Variants in GRIK1 observed in about 807,000 individuals in gnomAD.
GRIK1 encodes the protein glutamate receptor ionotropic, kainate 1.
In GRIK1, 69 loss-of-function variants were observed where a neutral mutation model predicts 105.7. The ratio of observed to expected loss-of-function variants is 0.65; its 90% confidence interval spans 0.54 to 0.80. The LOEUF (loss-of-function observed/expected upper bound fraction) is 0.80. Among genes scored for constraint, GRIK1 ranks in the 30% least tolerant of loss-of-function variants. GRIK1 has a pLI of 0.00. For missense variants in GRIK1, 1,109 were observed against 1,167.3 expected, an observed-to-expected ratio of 0.95 and a Z score of 0.73; for synonymous variants, 438 against 431.3, an observed-to-expected ratio of 1.02 and a Z score of -0.19.
At chr21:29,834,858 T>C (rs2067742650) in intron 1 of GRIK1, among the ~76,000 whole-genome samples, 1 of 150,762 alleles carries the variant, frequency 6.6e-6, no homozygotes, top group Non-Finnish European at 1.5e-5. Context: ...AATTGAATAT[T>C]ATTTTATTTA....
At chr21:29,602,328 G>A (rs2061534639) in intron 7 of GRIK1, among the ~76,000 whole-genome samples, 1 of 152,160 alleles carries the variant, frequency 6.6e-6, no homozygotes. Context: ...TCTGGCTGGG[G>A]AGAAAAGACT....
chr21:29,913,479 T>C (rs1364614467), intron 1 of GRIK1, among the ~76,000 whole-genome samples: 1 of 151,984 alleles, frequency 6.6e-6, no homozygotes, highest in African/African-American at 2.4e-5. Context: ...TGTTTCCAGA[T>C]CTAGTCCCTG....
At chr21:29,874,577 C>A (rs1176539738) in intron 1 of GRIK1, among the ~76,000 whole-genome samples, 1 of 152,182 alleles carries the variant, frequency 6.6e-6, no homozygotes, top group Non-Finnish European at 1.5e-5. Context: ...CTTCCCAGTT[C>A]CTAACAGGCC....
chr21:29,712,844 T>A (rs935575924), intron 1 of GRIK1, among the ~76,000 whole-genome samples: 1 of 152,220 alleles, frequency 6.6e-6, no homozygotes, highest in African/African-American at 2.4e-5. Flanking sequence ...TCATGACACT[T>A]TTATAGTTTT....
chr21:29,585,867 G>A (rs546201289), intron 12 of GRIK1, among the ~76,000 whole-genome samples: 55 of 152,056 alleles, frequency 3.6e-4, no homozygotes, highest in Admixed American at 3.9e-4. Flanking sequence ...TAATTGTTTC[G>A]AGCATGGTTT....
At chr21:29,633,697 G>C (rs2062335899) in intron 7 of GRIK1, among the ~76,000 whole-genome samples, 1 of 151,990 alleles carries the variant, frequency 6.6e-6, no homozygotes, top group South Asian at 2.1e-4. Flanking sequence ...GTTGTACAGG[G>C]AATTGAGGGA....
chr21:29,682,034 G>A (rs2146680875), intron 3 of GRIK1, among the ~76,000 whole-genome samples: 1 of 152,324 alleles, frequency 6.6e-6, no homozygotes, highest in East Asian at 1.9e-4. Context: ...CTATGACAGG[G>A]TTTTCCAAGC....
intron 3 of GRIK1, among the ~76,000 whole-genome samples, chr21:29,683,714 C>T (rs2063425671): frequency 6.6e-6 from 1 of 152,224 alleles, no homozygotes; most frequent in African/African-American, 2.4e-5. Flanking sequence ...CAAACCTCAA[C>T]ATCATGCAAT....
chr21:29,571,586 C>A (rs1219782734), intron 14 of GRIK1, among the ~76,000 whole-genome samples: 1 of 152,150 alleles, frequency 6.6e-6, no homozygotes, highest in Non-Finnish European at 1.5e-5. Flanking sequence ...CGAGCAACTT[C>A]TGGGCACACA....
At position 29,698,939 on chromosome 21, in the gene GRIK1, CT is replaced by C. The variant is rs1294441878; in HGVS notation, c.119-4877del. 4.6e-5 allele frequency among the ~76,000 whole-genome samples: 7 copies of C among 152,222 alleles called. 1 individual carries two copies. The highest frequency in any genetic ancestry group is 2.6e-4 in the Admixed American group (4 of 15,270). ...AGATAAGAATTCTGAAAAATTAATG[CT>C]TTTTTTATTAATACACGTTCGTATT... On this transcript the variant is annotated intron_variant, in intron 1 of 17. Coordinates refer to ENST00000327783, the MANE Select transcript of GRIK1 (RefSeq NM_001330994.2).
intron 1 of GRIK1, among the ~76,000 whole-genome samples, chr21:29,743,702 A>AAT (rs1555881922): frequency 1.3e-5 from 2 of 152,052 alleles, no homozygotes; most frequent in South Asian, 2.1e-4. Flanking sequence ...CTCAGAAAAA[A>AAT]ATATATATAT....
intron 1 of GRIK1, among the ~76,000 whole-genome samples, chr21:29,898,822 AT>A (rs1274461537): frequency 3.3e-5 from 5 of 152,170 alleles, no homozygotes; most frequent in Non-Finnish European, 1.5e-5. Context: ...TTCAAAGTAG[AT>A]TTTATATATT....
chr21:29,763,301 C>A (rs1341952262), intron 1 of GRIK1, among the ~76,000 whole-genome samples: 3 of 152,182 alleles, frequency 2.0e-5, no homozygotes, highest in African/African-American at 7.2e-5. Flanking sequence ...TGCCTTCTGC[C>A]ATGATTGTAA....
At chr21:29,763,738 C>T (rs1458475947) in intron 1 of GRIK1, 3 of 152,202 alleles carry the variant, frequency 2.0e-5, no homozygotes, top group African/African-American at 4.8e-5. Flanking sequence ...GGGCTCCAGC[C>T]TCCCGTGACA....
chr21:29,902,418 C>G (rs1273304447), intron 1 of GRIK1, among the ~76,000 whole-genome samples: 1 of 152,200 alleles, frequency 6.6e-6, no homozygotes, highest in Non-Finnish European at 1.5e-5. Flanking sequence ...AGCCCAAATT[C>G]TCCTTAAGCT....
chr21:29,668,105 G>A lies in GRIK1; in HGVS notation c.726+4878C>T, dbSNP rs149683539. Among the ~76,000 whole-genome samples, 56 of 152,228 alleles carry A rather than the reference G, an allele frequency of 3.7e-4. 1 individual carries two copies. The highest frequency in any genetic ancestry group is 6.8e-3 in the Middle Eastern group (2 of 294). ...CAGTTCTTGGCTCATTCATTCGTTTGGTTCATTTATTCATTCAACAGAGCT... is the reference window on the plus strand; with the variant it reads ...CAGTTCTTGGCTCATTCATTCGTTTAGTTCATTTATTCATTCAACAGAGCT... On this transcript the variant is annotated intron_variant, in intron 4 of 17. Coordinates refer to ENST00000327783, the MANE Select transcript of GRIK1 (RefSeq NM_001330994.2).
At chr21:29,554,025 G>A (rs561523624) in intron 16 of GRIK1, among the ~76,000 whole-genome samples, 81 of 152,222 alleles carry the variant, frequency 5.3e-4, no homozygotes, top group African/African-American at 1.8e-3. Context: ...TGTGAAACCA[G>A]GTTATAATGA....
intron 7 of GRIK1, among the ~76,000 whole-genome samples, chr21:29,624,449 C>T (rs1211610037): frequency 1.3e-5 from 2 of 152,096 alleles, no homozygotes; most frequent in Admixed American, 6.6e-5. Flanking sequence ...TGCCTTTACT[C>T]TTATTAATCA....
At chr21:29,813,090 C>T (rs1488762880) in intron 1 of GRIK1, among the ~76,000 whole-genome samples, 1 of 152,090 alleles carries the variant, frequency 6.6e-6, no homozygotes, top group Non-Finnish European at 1.5e-5. Flanking sequence ...GCAGCTCTCT[C>T]AGAGCATGCA....
Sources: gnomAD v4.1 joint callset for allele counts (sites outside exome capture counted in the v4.1 genomes callset) on GRCh38, gnomAD v4.1.1 for gene constraint, MANE v1.5 for transcripts, NCBI Gene and HGNC (gene_info 2026-07-23, HGNC 2026-07-21) for gene names.